PRR14L: variants seen among roughly 807,000 people sequenced by gnomAD.
PRR14L encodes the protein proline rich 14 like.
A neutral mutation model predicts 155.0 loss-of-function variants in PRR14L; 80 were observed. That is an observed-to-expected ratio of 0.52 (90% CI 0.43 to 0.62). The LOEUF is 0.62. Ranked by LOEUF, PRR14L falls within the 20% of genes least tolerant of loss-of-function variation. The pLI is 0.00. For missense variants in PRR14L, 2,469 were observed against 2,548.0 expected, an observed-to-expected ratio of 0.97 and a Z score of 0.67; for synonymous variants, 883 against 916.0, an observed-to-expected ratio of 0.96 and a Z score of 0.65.
chr22:31,715,577 T>C lies in PRR14L; in HGVS notation c.2262A>G (p.Leu754=), dbSNP rs1306788867. ...KEMADSGTKA[L]HSRLRSNKRE... Reference sequence around the variant, plus strand: ...TCTTATTTGAGCGCAGCCTGGAATGTAGAGCTTTTGTTCCTGAATCAGCCA... The same window carrying C: ...TCTTATTTGAGCGCAGCCTGGAATGCAGAGCTTTTGTTCCTGAATCAGCCA... Residue 754 remains leucine (L), a synonymous_variant, in exon 4 of 9, where the codon CTA becomes CTG. Transcript: ENST00000327423. The C allele has an allele frequency of 6.4e-7, 1 of 1,552,038 alleles. No individual in the cohort carries two copies. The highest frequency in any genetic ancestry group is 1.2e-5 in the South Asian group (1 of 84,066).
chr22:31,745,855 A>ATATATATATATAT, intron 1 of PRR14L, among the ~76,000 whole-genome samples: 1 of 142,552 alleles, frequency 7.0e-6, no homozygotes, highest in South Asian at 2.4e-4. Context: ...AAAAAAAAAA[A>ATATATATATATAT]AAAAAAATAT....
At position 31,716,249 on chromosome 22, in the gene PRR14L, A is replaced by G; in HGVS notation, c.1590T>C (p.Asn530=). 6.4e-7 allele frequency: 1 copy of G among 1,551,524 alleles called. No homozygotes were observed. Among genetic ancestry groups the G allele is most frequent in the Non-Finnish European group, 8.7e-7 (1 of 1,146,878 alleles). Residue 530 remains asparagine (N), a synonymous_variant, in exon 4 of 9, where the codon AAT becomes AAC. Transcript: ENST00000327423. The part of the protein sequence containing the change: ...EAGQTTPVEP[N]ILSKSFYTKD... ...TAGTGTAAAAAGATTTACTTAATAT[A>G]TTGGGCTCTACAGGGGTTGTCTGTC...
At chr22:31,732,257 G>A (rs1001117288) in intron 2 of PRR14L, among the ~76,000 whole-genome samples, 10 of 152,202 alleles carry the variant, frequency 6.6e-5, no homozygotes, top group African/African-American at 2.2e-4. Context: ...GTTTACAGAA[G>A]TGAGTCAACA....
At chr22:31,749,745 G>A (rs887130757) in intron 1 of PRR14L, among the ~76,000 whole-genome samples, 2 of 152,194 alleles carry the variant, frequency 1.3e-5, no homozygotes, top group African/African-American at 4.8e-5. Context: ...CGAGGTTGAA[G>A]AGGAGTCTCT....
In PRR14L at chr22:31,712,652, A is replaced by G. The variant is rs1182579698; in HGVS notation, c.5187T>C (p.Asp1729=). The G allele has an allele frequency of 2.6e-6, 4 of 1,551,654 alleles. No individual in the cohort carries two copies. In the South Asian group the frequency reaches 4.8e-5, roughly 18 times the overall value. The change falls in exon 4 of 9, where the codon GAT becomes GAC. Residue 1729 remains aspartate (D), a synonymous_variant. Coordinates refer to ENST00000327423, the MANE Select transcript of PRR14L (RefSeq NM_173566.3). ...VSFHVKSSSS[D]CTTESSRTFP... ...AAGTCCTTGAGGACTCAGTCGTGCA[A>G]TCTGAGCTGGATGATTTCACATGAA...
At position 31,714,930 on chromosome 22, in the gene PRR14L, A is replaced by C; in HGVS notation, c.2909T>G (p.Leu970Arg). 1 of 1,552,042 alleles carries C rather than the reference A, an allele frequency of 6.4e-7. No individual in the cohort carries two copies. ...ETLDQKADEV[L>R]DCQSNQNRPD... The stretch of plus-strand genomic sequence containing the variant: ...TCTGTTTTGGTTACTCTGACAGTCA[A>C]GGACTTCATCTGCCTTCTGATCGAG... Residue 970 changes from leucine to arginine, a missense_variant, in exon 4 of 9, where the codon CTT (leucine) becomes CGT (arginine). Transcript: ENST00000327423.
chr22:31,747,074 G>C (rs1259730853), intron 1 of PRR14L, among the ~76,000 whole-genome samples: 1 of 151,554 alleles, frequency 6.6e-6, no homozygotes, highest in African/African-American at 2.4e-5. Flanking sequence ...AAAGTGCTGG[G>C]ATTACAGGTG....
chr22:31,693,919 A>C (rs1356085520), intron 7 of PRR14L, among the ~76,000 whole-genome samples: 2 of 152,192 alleles, frequency 1.3e-5, no homozygotes, highest in East Asian at 3.8e-4. Flanking sequence ...GTAGTTGGTT[A>C]TTTTTAAGTA....
Position 31,713,882 on chromosome 22 carries a change from A to T in PRR14L, c.3957T>A (p.Ser1319=), listed in dbSNP as rs1349771370. ...TCACTGTCAAAGGCAAATGTCTGTC[A>T]GAGGAATTCTCGTGAGGGTGACAAG... ...CKACHPHENS[S]DRHLPLTVKT... Residue 1319 remains serine, a synonymous_variant, in exon 4 of 9, where the codon TCT becomes TCA. Transcript: ENST00000327423. 2 of 1,552,170 alleles carry T rather than the reference A, an allele frequency of 1.3e-6. No individual in the cohort carries two copies. Among genetic ancestry groups the T allele is most frequent in the South Asian group, 2.4e-5 (2 of 84,060 alleles).
In PRR14L at chr22:31,742,909, C is replaced by T. The variant is rs117621782; in HGVS notation, c.-51-3998G>A. ...CATAAAAAGGAATGGAGAAATAACA[C>T]GTTACAACATGAATGAACCTTGAAG... On this transcript the variant is annotated intron_variant, in intron 1 of 8. Coordinates refer to ENST00000327423, the MANE Select transcript of PRR14L (RefSeq NM_173566.3). 3.9e-4 allele frequency among the ~76,000 whole-genome samples: 59 copies of T among 152,254 alleles called. No individual in the cohort carries two copies. In the East Asian group the frequency reaches 0.01, roughly 26 times the overall value.
At position 31,713,554 on chromosome 22, in the gene PRR14L, G is replaced by A; in HGVS notation, c.4285C>T (p.Gln1429Ter). The change falls in exon 4 of 9, where the codon CAA (glutamine) becomes TAA (stop). Residue 1429 changes from glutamine to a stop codon, truncating the protein, a stop_gained. Transcript: ENST00000327423. LOFTEE classifies it high-confidence loss of function. Reference protein sequence around the residue: ...ISSSLLLDDAQNQNQPKADKD... With the variant: ...ISSSLLLDDA ...TCAGCCTTCGGTTGGTTCTGATTTT[G>A]TGCATCATCTAACAACAGACTAGAT... 1 of 1,552,068 alleles carries A rather than the reference G, an allele frequency of 6.4e-7. No homozygotes were observed. Among genetic ancestry groups the A allele is most frequent in the Non-Finnish European group, 8.7e-7 (1 of 1,147,080 alleles).
chr22:31,696,643 C>T (rs1330097953), intron 7 of PRR14L, among the ~76,000 whole-genome samples: 1 of 152,170 alleles, frequency 6.6e-6, no homozygotes, highest in Admixed American at 6.6e-5. Context: ...TCTCTGTTCC[C>T]ACAAATTCTC....
At chr22:31,723,803 G>C (rs114956123) in intron 3 of PRR14L, among the ~76,000 whole-genome samples, 2,271 of 152,262 alleles carry the variant, frequency 0.015, 55 homozygotes, top group African/African-American at 0.053. Flanking sequence ...GAGAAGCTAA[G>C]AGTCAAATCT....
intron 3 of PRR14L, among the ~76,000 whole-genome samples, chr22:31,723,062 C>G (rs1337343170): frequency 6.6e-6 from 1 of 152,112 alleles, no homozygotes; most frequent in Non-Finnish European, 1.5e-5. Flanking sequence ...CTTTGGACAG[C>G]TGAGCCTGCT....
chr22:31,705,664 G>A (rs1430008961), intron 4 of PRR14L, among the ~76,000 whole-genome samples: 7 of 151,858 alleles, frequency 4.6e-5, no homozygotes, highest in Admixed American at 2.6e-4. Context: ...GAGCCACCGC[G>A]CCTGGCCCAA....
At chr22:31,703,382 C>A (rs1438825937) in intron 6 of PRR14L, among the ~76,000 whole-genome samples, 168 bp downstream of exon 6, 1 of 152,212 alleles carries the variant, frequency 6.6e-6, no homozygotes, top group East Asian at 1.9e-4. Context: ...GTGTCCTTTA[C>A]TGGCCAAGAG....
rs542032808 is a variant in PRR14L, at chr22:31,729,195, T to C, written c.475-3585A>G. On this transcript the variant is annotated intron_variant, in intron 2 of 8. Transcript: ENST00000327423. ...GGGTGATCTTGATCAAATCCCAAAA[T>C]TATTAGTTGCAAATTTATTTATTTA... Among the ~76,000 whole-genome samples, 13 of 152,308 alleles carry C rather than the reference T, an allele frequency of 8.5e-5. No individual in the cohort carries two copies. In the South Asian group the frequency reaches 2.1e-3, roughly 24 times the overall value.
chr22:31,701,617 A>C lies in PRR14L; in HGVS notation c.6107+39T>G, dbSNP rs764538849. ...ATTATATTATGACAAACAATTTTCC[A>C]AAAAAGTGAACCTAGCTTGTAACAG... On this transcript the variant is annotated intron_variant, in intron 7 of 8. Transcript: ENST00000327423. 3 of 1,407,106 alleles carry C rather than the reference A, an allele frequency of 2.1e-6. No individual in the cohort carries two copies. In the East Asian group the frequency reaches 6.9e-5, roughly 32 times the overall value. 87.2% of individuals were successfully genotyped at this position (1,407,106 alleles called of 1,614,324 possible). A position where few individuals can be genotyped will look rare whatever the true frequency, so the allele number is the denominator to read the frequency against.
chr22:31,725,668 A>G (rs2074712785), intron 2 of PRR14L, 58 bp from the exon 3 acceptor site: 2 of 868,416 alleles, frequency 2.3e-6, no homozygotes, highest in South Asian at 1.7e-5. Context: ...GTTAATGAAT[A>G]TTATTATTAT....
Sources: gnomAD v4.1 joint callset for allele counts (sites outside exome capture counted in the v4.1 genomes callset) on GRCh38, gnomAD v4.1.1 for gene constraint, MANE v1.5 for transcripts, NCBI Gene and HGNC (gene_info 2026-07-23, HGNC 2026-07-21) for gene names.